The following TRAT1 variants were observed in gnomAD, a reference collection of about 807,000 sequenced individuals.
The protein encoded by TRAT1 is T-cell receptor-associated transmembrane adapter 1.
Under a neutral mutation model 20.0 loss-of-function variants are expected in TRAT1, and 20 were observed. That is an observed-to-expected ratio of 1.00 (90% CI 0.70 to 1.45). TRAT1 has a LOEUF of 1.45. TRAT1 is among the 40% of genes most tolerant of loss of function. TRAT1 has a pLI of 0.00. For missense variants in TRAT1, 237 were observed against 224.1 expected, an observed-to-expected ratio of 1.06 and a Z score of -0.37; for synonymous variants, 77 against 74.2, an observed-to-expected ratio of 1.04 and a Z score of -0.20.
At chr3:108,832,659 A>T (rs1945805193) in intron 2 of TRAT1, among the ~76,000 whole-genome samples, 1 of 152,206 alleles carries the variant, frequency 6.6e-6, no homozygotes, top group Admixed American at 6.5e-5. Flanking sequence ...CAAGACCAGT[A>T]ACCTGAATTA....
rs1408952147 is a variant in TRAT1 at position 108,853,626 on chromosome 3, A to G, written c.310A>G (p.Asn104Asp). 3 of 1,612,134 alleles carry G rather than the reference A, an allele frequency of 1.9e-6. No individual in the cohort carries two copies. The South Asian group carries it at 3.3e-5, about 18-fold the overall frequency. Residue 104 changes from asparagine (N) to aspartate (D), a missense_variant, in exon 6 of 6, where the codon AAT becomes GAT. Transcript: ENST00000295756. Reference sequence around the variant, plus strand: ...TAACATCCCTTTCTTTTAGGCAACCAATGAAACACAGATGTGCTACGCCTC... The same window carrying G: ...TAACATCCCTTTCTTTTAGGCAACCGATGAAACACAGATGTGCTACGCCTC... ...QEATPSAQAT[N>D]ETQMCYASLD...
chr3:108,853,912 A>C lies in TRAT1; in HGVS notation c.*35A>C, dbSNP rs758217630. 9 of 1,601,990 alleles carry C rather than the reference A, an allele frequency of 5.6e-6. No individual in the cohort carries two copies. The highest frequency in any genetic ancestry group is 7.7e-6 in the Non-Finnish European group (9 of 1,171,934). ...GATCTAGTTCAATGATTTGGCTCCT[A>C]TTGAAGATGGCTTCTAAGAAAACAA... On this transcript the variant is annotated 3_prime_UTR_variant, in exon 6 of 6. Transcript: ENST00000295756.
intron 1 of TRAT1, 79 bp downstream of exon 1, chr3:108,823,013 CT>C: frequency 8.2e-7 from 1 of 1,225,944 alleles, no homozygotes; most frequent in Non-Finnish European, 1.2e-6. Flanking sequence ...CGAGAAGACC[CT>C]TAGTATTTAG....
At chr3:108,828,931 T>C (rs1387782756) in intron 1 of TRAT1, among the ~76,000 whole-genome samples, 1 of 152,178 alleles carries the variant, frequency 6.6e-6, no homozygotes, top group Non-Finnish European at 1.5e-5. Context: ...TTTACTTCCA[T>C]TCATGGGTAG....
chr3:108,840,855 T>C (rs897556481), intron 3 of TRAT1, among the ~76,000 whole-genome samples: 13 of 152,228 alleles, frequency 8.5e-5, no homozygotes, highest in African/African-American at 2.9e-4. Context: ...TCAGAGATAG[T>C]TCCCCAAGCC....
chr3:108,838,318 GTAGA>G (rs10575816), intron 2 of TRAT1, among the ~76,000 whole-genome samples: 6,936 of 143,422 alleles, frequency 0.048, 526 homozygotes, highest in African/African-American at 0.18. Context: ...AATGTTAAAA[GTAGA>G]TAGATAGATA....
At chr3:108,830,533 A>C (rs549359665) in intron 1 of TRAT1, 137 bp from the exon 2 acceptor site, 16 of 580,688 alleles carry the variant, frequency 2.8e-5, no homozygotes, top group African/African-American at 2.0e-4. Flanking sequence ...AAAAGTTATG[A>C]ATATTAATTA....
chr3:108,829,586 A>AACACACACACACACAC (rs144318236), intron 1 of TRAT1, among the ~76,000 whole-genome samples: 17,456 of 142,314 alleles, frequency 0.12, 1,176 homozygotes, highest in Admixed American at 0.17. Context: ...TCCATCTCAA[A>AACACACACACACACAC]ACACACACAC....
chr3:108,831,795 G>A (rs777657724), intron 2 of TRAT1, among the ~76,000 whole-genome samples: 1 of 151,934 alleles, frequency 6.6e-6, no homozygotes, highest in African/African-American at 2.4e-5. Flanking sequence ...CTCCTGCCTT[G>A]GCCTCCCAAA....
chr3:108,828,276 T>A (rs1188412652), intron 1 of TRAT1, among the ~76,000 whole-genome samples: 2 of 152,134 alleles, frequency 1.3e-5, no homozygotes, highest in Non-Finnish European at 2.9e-5. Context: ...TTATTAGTGT[T>A]CCCGAGGCTC....
In TRAT1 at chr3:108,840,537, TA is replaced by T. The variant is rs5851619; in HGVS notation, c.152+1585del. On this transcript the variant is annotated intron_variant, in intron 3 of 5. Transcript: ENST00000295756. ...CAGGCTTTTAGCTGTAGGGCAAATG[TA>T]AAAAAAAAAAAAAAGCTTTTATAAC... Among the ~76,000 whole-genome samples the T allele has an allele frequency of 7.4e-3, 1,012 of 136,994 alleles. 4 individuals are homozygous for T. The highest frequency in any genetic ancestry group is 0.017 in the African/African-American group (584 of 35,208). The allele number at this position is 136,994 out of a possible 152,430, so 89.9% of individuals were successfully genotyped here.
chr3:108,853,858 A>G lies in TRAT1; in HGVS notation c.542A>G (p.Lys181Arg). ...PIRLFGLIRA[K>R]REPIN ...AGACTGTTTGGATTGATCCGTGCTA[A>G]GAGAGAACCTATAAACTAGCTGGAC... Residue 181 changes from lysine to arginine, a missense_variant, in exon 6 of 6, where the codon AAG (lysine) becomes AGG (arginine). By Grantham distance (26) the Lys-to-Arg change is conservative (BLOSUM62 2). Transcript: ENST00000295756. 1 of 1,614,080 alleles carries G rather than the reference A, an allele frequency of 6.2e-7. No individual in the cohort carries two copies. Among genetic ancestry groups the G allele is most frequent in the Non-Finnish European group, 8.5e-7 (1 of 1,179,940 alleles).
chr3:108,822,952 C>T lies in TRAT1; in HGVS notation c.7+18C>T, dbSNP rs200378362. ...CATGTCAGGTAAGTGGCATTTTAAA[C>T]TTTTTGTTCCATTTGTGTGTCTAAA... On this transcript the variant is annotated intron_variant, in intron 1 of 5. Transcript: ENST00000295756. 1.2e-6 allele frequency: 2 copies of T among 1,609,372 alleles called. No individual in the cohort carries two copies. The highest frequency in any genetic ancestry group is 3.3e-5 in the Admixed American group (2 of 59,906).
rs779193796 is a variant in TRAT1, at chr3:108,830,757, A to G, written c.95A>G (p.His32Arg). 7.4e-6 allele frequency: 12 copies of G among 1,613,182 alleles called. No homozygotes were observed. In the South Asian group the frequency reaches 1.3e-4, roughly 18 times the overall value. The change falls in exon 2 of 6, where the codon CAC becomes CGC. Residue 32 changes from histidine (H) to arginine (R), a missense_variant. Transcript: ENST00000295756. Reference sequence around the variant, plus strand: ...ATATCACTGATCTTCAATATTTCCCACTATGTGGAAAAGCAACGACAAGGT... The same window carrying G: ...ATATCACTGATCTTCAATATTTCCCGCTATGTGGAAAAGCAACGACAAGGT... ...LVISLIFNISHYVEKQRQDKM... is the reference protein window; with the variant it reads ...LVISLIFNISRYVEKQRQDKM...
At chr3:108,852,397 GCA>G (rs10575104) in intron 5 of TRAT1, among the ~76,000 whole-genome samples, 143,573 of 148,252 alleles carry the variant, frequency 0.97, 69,542 homozygotes, top group Non-Finnish European at 0.99. Context: ...ACACACGCAT[GCA>G]CACACACACA....
chr3:108,847,955 C>T (rs1945962864), intron 4 of TRAT1, among the ~76,000 whole-genome samples: 1 of 152,126 alleles, frequency 6.6e-6, no homozygotes, highest in Non-Finnish European at 1.5e-5. Context: ...TTTTCTTTTG[C>T]GTGATTCAAG....
chr3:108,833,685 C>G (rs981492587), intron 2 of TRAT1, among the ~76,000 whole-genome samples: 3 of 151,910 alleles, frequency 2.0e-5, no homozygotes, highest in Admixed American at 6.6e-5. Flanking sequence ...AGAACTCTGC[C>G]TTCAATATTT....
chr3:108,841,157 A>C (rs1396889475), intron 3 of TRAT1, among the ~76,000 whole-genome samples: 1 of 152,264 alleles, frequency 6.6e-6, no homozygotes, highest in African/African-American at 2.4e-5. Flanking sequence ...AAAGTCACCC[A>C]GAGAACTGTC....
chr3:108,847,067 G>A lies in TRAT1; in HGVS notation c.153-1G>A. On this transcript the variant is annotated splice_acceptor_variant, in intron 3 of 5. Transcript: ENST00000295756. LOFTEE classifies it high-confidence loss of function. ...AGGTAAATTATTTTTCCTTGTTATA[G>A]GGTTGATGAGTATTATATTGAAGAC... The A allele has an allele frequency of 6.6e-7, 1 of 1,505,160 alleles. No individual in the cohort carries two copies. The highest frequency in any genetic ancestry group is 9.2e-7 in the Non-Finnish European group (1 of 1,091,418). 93.2% of individuals were successfully genotyped at this position (1,505,160 alleles called of 1,614,324 possible). A position where few individuals can be genotyped will look rare whatever the true frequency, so the allele number is the denominator to read the frequency against.
Sources: gnomAD v4.1 joint callset for allele counts (sites outside exome capture counted in the v4.1 genomes callset) on GRCh38, gnomAD v4.1.1 for gene constraint, MANE v1.5 for transcripts, NCBI Gene and HGNC (gene_info 2026-07-23, HGNC 2026-07-21) for gene names.